MMD2: variants seen among roughly 807,000 people sequenced by gnomAD.
MMD2 encodes monocyte to macrophage differentiation factor 2.
In MMD2, 30 loss-of-function variants were observed where a neutral mutation model predicts 33.5. That is an observed-to-expected ratio of 0.90 (90% CI 0.67 to 1.22). MMD2 has a LOEUF of 1.22. Ranked by LOEUF, MMD2 falls within the 50% of genes most tolerant of loss-of-function variation. The pLI, the probability that MMD2 is intolerant of heterozygous loss-of-function variation, is 0.00. For missense variants in MMD2, 364 were observed against 325.4 expected (o/e 1.12, Z -0.91); for synonymous variants, 129 against 123.0 (o/e 1.05, Z -0.32).
intron 3 of MMD2, among the ~76,000 whole-genome samples, chr7:4,918,702 G>A (rs1175002131): frequency 6.6e-6 from 1 of 151,750 alleles, no homozygotes; most frequent in Non-Finnish European, 1.5e-5. Context: ...TGGCCAGGCT[G>A]GTTTCAAACT....
rs1234858229 is a variant in MMD2 at position 4,946,203 on chromosome 7, A to G, written c.47+12768T>C. On this transcript the variant is annotated intron_variant, in intron 1 of 6. Coordinates refer to ENST00000401401, the MANE Select transcript of MMD2 (RefSeq NM_198403.4). The surrounding 1 kb of genome is among the most constrained non-coding windows in gnomAD (Gnocchi z 5.0). ...CACACACGCGCGCACACCCACACAC[A>G]CGCATGCACACACATGCACACATAC... 6.7e-6 allele frequency among the ~76,000 whole-genome samples: 1 copy of G among 150,368 alleles called. No individual in the cohort carries two copies. Among genetic ancestry groups the G allele is most frequent in the Non-Finnish European group, 1.5e-5 (1 of 67,440 alleles).
chr7:4,920,601 C>A lies in MMD2; in HGVS notation c.130-270G>T, dbSNP rs558971960. Among the ~76,000 whole-genome samples, 8 of 147,720 alleles carry A rather than the reference C, an allele frequency of 5.4e-5. No individual in the cohort carries two copies. In the South Asian group the frequency reaches 1.5e-3, roughly 28 times the overall value. On this transcript the variant is annotated intron_variant, in intron 2 of 6. Coordinates refer to ENST00000401401, the MANE Select transcript of MMD2 (RefSeq NM_198403.4). ...CTTCCTCTCTTCTTTCCTTCCTTTC[C>A]TTTCCCTTTTCCCCTTTCCTTTCCT...
intron 3 of MMD2, 47 bp downstream of exon 3, chr7:4,920,124 T>C: frequency 6.5e-7 from 1 of 1,540,228 alleles, no homozygotes; most frequent in Non-Finnish European, 8.8e-7. Context: ...TGGGTCCCCC[T>C]GCCCCGACCC....
At chr7:4,941,484 G>A (rs934436267) in intron 1 of MMD2, among the ~76,000 whole-genome samples, 2 of 151,994 alleles carry the variant, frequency 1.3e-5, no homozygotes, top group African/African-American at 4.8e-5. Flanking sequence ...ACAAAAATAA[G>A]CCGGGCGTGG....
Position 4,940,674 on chromosome 7 carries a change from G to A in MMD2, c.48-15142C>T, listed in dbSNP as rs1032219505. Reference sequence around the variant, plus strand: ...TCTTTGGGAAACAGTCCTTGGGCCGGTGCCACCTGGGAATGGTCATGAAAT... The same window carrying A: ...TCTTTGGGAAACAGTCCTTGGGCCGATGCCACCTGGGAATGGTCATGAAAT... On this transcript the variant is annotated intron_variant, in intron 1 of 6. Coordinates refer to ENST00000401401, the MANE Select transcript of MMD2 (RefSeq NM_198403.4). This position sits in a 1 kb window ranked among gnomAD's most constrained non-coding sequence, Gnocchi z 5.0. Among the ~76,000 whole-genome samples the A allele has an allele frequency of 6.6e-6, 1 of 152,216 alleles. No homozygotes were observed. Among genetic ancestry groups the A allele is most frequent in the African/African-American group, 2.4e-5 (1 of 41,472 alleles).
chr7:4,932,624 ATTTT>A (rs34390864), intron 1 of MMD2, among the ~76,000 whole-genome samples: 1 of 137,750 alleles, frequency 7.3e-6, no homozygotes, highest in Non-Finnish European at 1.6e-5. Flanking sequence ...TCTGTGGTGC[ATTTT>A]TTTTTTTTTT....
At chr7:4,912,752 C>T (rs564633695) in intron 4 of MMD2, among the ~76,000 whole-genome samples, 1 of 152,018 alleles carries the variant, frequency 6.6e-6, no homozygotes, top group Non-Finnish European at 1.5e-5. Context: ...GTCACCCAGG[C>T]TAAAGTGCAG....
chr7:4,937,821 A>T (rs914494644), intron 1 of MMD2, among the ~76,000 whole-genome samples: 1 of 150,732 alleles, frequency 6.6e-6, no homozygotes, highest in African/African-American at 2.4e-5. Context: ...ATTTTTAAAC[A>T]TTTTTTTGTA....
chr7:4,942,874 C>T (rs1211778359), intron 1 of MMD2, among the ~76,000 whole-genome samples: 1 of 152,008 alleles, frequency 6.6e-6, no homozygotes, highest in Non-Finnish European at 1.5e-5. Flanking sequence ...ACCTCAGCCT[C>T]CCGAAGTGCT....
At chr7:4,935,672 T>C (rs1171677292) in intron 1 of MMD2, among the ~76,000 whole-genome samples, 3 of 109,014 alleles carry the variant, frequency 2.8e-5, no homozygotes, top group East Asian at 2.9e-4. Flanking sequence ...AGCAAGACCC[T>C]GTCTCAAAAA....
At chr7:4,934,907 C>T (rs1017810499) in intron 1 of MMD2, among the ~76,000 whole-genome samples, 1 of 152,124 alleles carries the variant, frequency 6.6e-6, no homozygotes, top group Non-Finnish European at 1.5e-5. Context: ...GGTTTAAGGC[C>T]GAGCGGGGTG....
chr7:4,894,792 C>T, the MMD2 span, among the ~76,000 whole-genome samples: 2 of 152,264 alleles, frequency 1.3e-5, no homozygotes, highest in East Asian at 3.9e-4. The surrounding 1 kb of genome is among the most constrained non-coding windows in gnomAD (Gnocchi z 4.3). Context: ...CCTCTACGCC[C>T]CTGCCCTCTA....
At chr7:4,937,897 C>T (rs745665204) in intron 1 of MMD2, among the ~76,000 whole-genome samples, 3 of 151,844 alleles carry the variant, frequency 2.0e-5, no homozygotes, top group Non-Finnish European at 4.4e-5. Flanking sequence ...AGTCCTCCTC[C>T]TTTGGCCTCC....
the MMD2 span, among the ~76,000 whole-genome samples, chr7:4,900,604 G>T: frequency 2.5e-3 from 385 of 152,162 alleles, 2 homozygotes; most frequent in Middle Eastern, 0.014. Context: ...TAAGAACACT[G>T]ATACCTTCCA....
intron 1 of MMD2, among the ~76,000 whole-genome samples, chr7:4,944,389 T>G (rs533790366): frequency 1.8e-4 from 27 of 152,152 alleles, no homozygotes; most frequent in Non-Finnish European, 3.7e-4. Context: ...GTTCCAGAGA[T>G]GAGGGGAGCC....
At chr7:4,913,614 A>C in intron 4 of MMD2, among the ~76,000 whole-genome samples, 1 of 145,118 alleles carries the variant, frequency 6.9e-6, no homozygotes, top group Non-Finnish European at 1.5e-5. Flanking sequence ...GCTATTTGGG[A>C]GGCTCAGGCA....
chr7:4,936,988 G>A (rs901383600), intron 1 of MMD2, among the ~76,000 whole-genome samples: 13 of 150,920 alleles, frequency 8.6e-5, no homozygotes, highest in Admixed American at 2.6e-4. Context: ...CACCTGCCTC[G>A]GCCTCCCAAA....
chr7:4,948,637 A>T (rs971787313), intron 1 of MMD2, among the ~76,000 whole-genome samples: 14 of 152,172 alleles, frequency 9.2e-5, no homozygotes, highest in South Asian at 4.1e-4. Flanking sequence ...AGCCCTCACA[A>T]ATGGGATTAG....
chr7:4,922,660 G>A (rs915867566), intron 2 of MMD2, among the ~76,000 whole-genome samples: 5 of 151,442 alleles, frequency 3.3e-5, no homozygotes, highest in Non-Finnish European at 5.9e-5. Flanking sequence ...CTGCAGCCTC[G>A]ACATCCTGGG....
Sources: allele counts gnomAD v4.1 joint callset (sites outside exome capture counted in the v4.1 genomes callset), GRCh38; gene constraint gnomAD v4.1.1; non-coding constraint Gnocchi (gnomAD v3.1); transcripts MANE v1.5; gene names NCBI Gene and HGNC (gene_info 2026-07-23, HGNC 2026-07-21).